VPS13D: variants seen among roughly 807,000 people sequenced by gnomAD.
The protein encoded by VPS13D is vacuolar protein sorting 13 homolog D, also known as intermembrane lipid transfer protein VPS13D.
Under a neutral mutation model 461.9 loss-of-function variants are expected in VPS13D, and 187 were observed. That is an observed-to-expected ratio of 0.40 (90% CI 0.36 to 0.46). VPS13D has a LOEUF of 0.46. Ranked by LOEUF, VPS13D falls within the 20% of genes least tolerant of loss-of-function variation. VPS13D has a pLI of 0.60. For synonymous variants in VPS13D, 1,951 were observed against 1,986.3 expected (o/e 0.98, Z 0.47); for missense variants, 4,711 against 5,364.9 (o/e 0.88, Z 3.81).
At chr1:12,331,460 C>T (rs889473099) in intron 37 of VPS13D, among the ~76,000 whole-genome samples, 2 of 151,906 alleles carry the variant, frequency 1.3e-5, no homozygotes, top group African/African-American at 2.4e-5. Context: ...GTAATCCCAG[C>T]GCTTTGGGAG....
At chr1:12,374,888 C>T (rs544230744) in intron 55 of VPS13D, among the ~76,000 whole-genome samples, 1 of 152,286 alleles carries the variant, frequency 6.6e-6, no homozygotes, top group Admixed American at 6.5e-5. Flanking sequence ...CAGGAGCCCA[C>T]CACCACACCC....
At position 12,304,594 on chromosome 1, in the gene VPS13D, C is replaced by T. The variant is rs1286578511; in HGVS notation, c.6305C>T (p.Ser2102Phe). Residue 2102 changes from serine to phenylalanine, a missense_variant, in exon 26 of 70, where the codon TCC becomes TTC. Physicochemically the swap from Ser to Phe is radical, Grantham distance 155. Coordinates refer to ENST00000620676, the MANE Select transcript of VPS13D (RefSeq NM_015378.4). ...ACGGAGGAGCCCAGGGGAACCCATT[C>T]CCAGGGGCAGTTCACGATGCCTCTT... ...TSTEEPRGTH[S>F]QGQFTMPLAG... 1.2e-6 allele frequency: 2 copies of T among 1,614,144 alleles called. No individual in the cohort carries two copies. Among genetic ancestry groups the T allele is most frequent in the Non-Finnish European group, 1.7e-6 (2 of 1,180,032 alleles).
intron 60 of VPS13D, among the ~76,000 whole-genome samples, chr1:12,394,553 T>C (rs1644470670): frequency 6.6e-6 from 1 of 152,152 alleles, no homozygotes; most frequent in African/African-American, 2.4e-5. Flanking sequence ...AGATCTGACA[T>C]ACAGAGAAAA....
At chr1:12,429,444 C>G (rs1644965237) in intron 65 of VPS13D, among the ~76,000 whole-genome samples, 1 of 152,124 alleles carries the variant, frequency 6.6e-6, no homozygotes, top group African/African-American at 2.4e-5. Flanking sequence ...AGGCACCCAC[C>G]ACCATGCCAG....
At chr1:12,436,746 G>A (rs938557530) in intron 65 of VPS13D, among the ~76,000 whole-genome samples, 5 of 152,028 alleles carry the variant, frequency 3.3e-5, no homozygotes, top group Non-Finnish European at 7.4e-5. Context: ...TCGGCTCACC[G>A]CAACCTCCGC....
chr1:12,326,256 CTCTT>C (rs956913021), intron 35 of VPS13D, among the ~76,000 whole-genome samples: 27 of 109,546 alleles, frequency 2.5e-4, no homozygotes, highest in Non-Finnish European at 4.5e-4. Context: ...ATGCTTTTTA[CTCTT>C]TCTTTAACAA....
chr1:12,330,788 G>A (rs1220243675), intron 37 of VPS13D, among the ~76,000 whole-genome samples: 4 of 151,688 alleles, frequency 2.6e-5, no homozygotes, highest in South Asian at 2.1e-4. Context: ...GGCTGGTCTC[G>A]AACTCCTGAC....
chr1:12,352,875 G>T (rs1643826667), intron 46 of VPS13D, among the ~76,000 whole-genome samples: 1 of 143,174 alleles, frequency 7.0e-6, no homozygotes, highest in African/African-American at 2.6e-5. Context: ...TGAGGCAGGA[G>T]AATGGCTTGA....
intron 2 of VPS13D, among the ~76,000 whole-genome samples, chr1:12,240,116 C>T (rs1415946356): frequency 1.3e-5 from 2 of 152,036 alleles, no homozygotes; most frequent in South Asian, 2.1e-4. Context: ...GCTGTTGTTT[C>T]TTCTCATTTT....
rs1641618160 is a variant in VPS13D, at chr1:12,276,591, T to C, written c.3003T>C (p.His1001=). The C allele has an allele frequency of 6.2e-7, 1 of 1,614,088 alleles. No individual in the cohort carries two copies. Among genetic ancestry groups the C allele is most frequent in the Non-Finnish European group, 8.5e-7 (1 of 1,180,040 alleles). The change falls in exon 19 of 70, where the codon CAT becomes CAC. Residue 1001 remains histidine, a synonymous_variant. Transcript: ENST00000620676. This position sits in a 1 kb window ranked among gnomAD's most constrained non-coding sequence, Gnocchi z 4.5. ...ATGCTGAAGTCTCCCTAACTGTTCA[T>C]GGTTTGCTCCTGGTGGATACCATGC... The part of the protein sequence containing the change: ...PYDAEVSLTV[H]GLLLVDTMQT...
At chr1:12,400,550 A>T (rs1570097572) in intron 61 of VPS13D, among the ~76,000 whole-genome samples, 1 of 152,314 alleles carries the variant, frequency 6.6e-6, no homozygotes, top group Admixed American at 6.5e-5. Context: ...GATGGTACTG[A>T]GTCCATATAG....
At chr1:12,411,123 T>G (rs1235808967) in intron 63 of VPS13D, among the ~76,000 whole-genome samples, 1 of 152,232 alleles carries the variant, frequency 6.6e-6, no homozygotes, top group Admixed American at 6.5e-5. Flanking sequence ...AAGGATGATC[T>G]TTTTGAAAAA....
chr1:12,471,843 G>A (rs1028923796), intron 67 of VPS13D, among the ~76,000 whole-genome samples: 5 of 151,670 alleles, frequency 3.3e-5, no homozygotes, highest in African/African-American at 4.8e-5. Flanking sequence ...ATGCACATTC[G>A]TAATTTATTC....
intron 67 of VPS13D, among the ~76,000 whole-genome samples, chr1:12,492,368 C>G (rs1185429817): frequency 6.6e-6 from 1 of 152,210 alleles, no homozygotes; most frequent in African/African-American, 2.4e-5. Context: ...AGCAAAGATT[C>G]AAGAGTCTAG....
intron 54 of VPS13D, among the ~76,000 whole-genome samples, chr1:12,369,966 C>A (rs766174067): frequency 1.4e-4 from 21 of 152,270 alleles, no homozygotes; most frequent in Admixed American, 3.3e-4. Flanking sequence ...TTTAAATTTT[C>A]TTTTTGCTAT....
rs369853284 is a variant in VPS13D at position 12,318,473 on chromosome 1, A to G, written c.7414+136A>G. 1.6e-5 allele frequency: 19 copies of G among 1,157,412 alleles called. No homozygotes were observed. In the South Asian group the frequency reaches 2.7e-4, roughly 16 times the overall value. 71.7% of individuals were successfully genotyped at this position (1,157,412 alleles called of 1,614,324 possible). ...ACATTTGCCTCTTTTACAGACCTGC[A>G]AGCATCAGAGGTCTTGGCCTCCATT... On this transcript the variant is annotated intron_variant, in intron 31 of 69. Coordinates refer to ENST00000620676, the MANE Select transcript of VPS13D (RefSeq NM_015378.4).
chr1:12,414,739 A>G (rs1200011499), intron 63 of VPS13D, among the ~76,000 whole-genome samples: 2 of 152,314 alleles, frequency 1.3e-5, no homozygotes, highest in African/African-American at 2.4e-5. Flanking sequence ...TGGGTTTTGA[A>G]CTATACATTT....
intron 62 of VPS13D, among the ~76,000 whole-genome samples, chr1:12,403,183 A>G (rs535630916): frequency 6.6e-6 from 1 of 152,396 alleles, no homozygotes; most frequent in East Asian, 1.9e-4. Flanking sequence ...GGATGTGCAT[A>G]CAGCATCAAG....
At chr1:12,237,704 G>C (rs1358307154) in intron 2 of VPS13D, among the ~76,000 whole-genome samples, 1 of 151,876 alleles carries the variant, frequency 6.6e-6, no homozygotes, top group Non-Finnish European at 1.5e-5. Flanking sequence ...GTGCACGCCT[G>C]TGGTTCCAGC....
Sources: allele counts gnomAD v4.1 joint callset (sites outside exome capture counted in the v4.1 genomes callset), GRCh38; gene constraint gnomAD v4.1.1; non-coding constraint Gnocchi (gnomAD v3.1); transcripts MANE v1.5; gene names NCBI Gene and HGNC (gene_info 2026-07-23, HGNC 2026-07-21).